SCN8A: variants seen among roughly 807,000 people sequenced by gnomAD.
SCN8A encodes the protein sodium voltage-gated channel alpha subunit 8.
Under a neutral mutation model 184.1 loss-of-function variants are expected in SCN8A, and 30 were observed. The ratio of observed to expected loss-of-function variants is 0.16; its 90% confidence interval spans 0.12 to 0.22. SCN8A has a LOEUF of 0.22. Ranked by LOEUF, SCN8A falls within the 10% of genes least tolerant of loss-of-function variation. The probability of loss-of-function intolerance (pLI) is 1.00; values close to 1 mark genes in which losing one functional copy is unlikely to be tolerated. For synonymous variants in SCN8A, 852 were observed against 907.0 expected, an observed-to-expected ratio of 0.94 and a Z score of 1.09; for missense variants, 1,057 against 2,498.9, an observed-to-expected ratio of 0.42 and a Z score of 12.30.
At position 51,806,943 on chromosome 12, in the gene SCN8A, C is replaced by A. The variant is rs1386438615; in HGVS notation, c.5457C>A (p.Leu1819=). 1 of 1,613,710 alleles carries A rather than the reference C, an allele frequency of 6.2e-7. No individual in the cohort carries two copies. Among genetic ancestry groups the A allele is most frequent in the South Asian group, 1.1e-5 (1 of 91,078 alleles). ...ADFADALEHP[L]RVPKPNTIEL... is the part of the protein sequence containing the mutation. ...TTGCAGATGCCTTGGAGCATCCTCTCCGAGTGCCCAAGCCCAATACCATTG... is the reference window on the plus strand; with the variant it reads ...TTGCAGATGCCTTGGAGCATCCTCTACGAGTGCCCAAGCCCAATACCATTG... The change falls in exon 27 of 27, where the codon CTC becomes CTA. Residue 1819 remains leucine, a synonymous_variant. Coordinates refer to ENST00000627620, the MANE Select transcript of SCN8A (RefSeq NM_001330260.2). This position sits in a 1 kb window ranked among gnomAD's most constrained non-coding sequence, Gnocchi z 8.7.
At chr12:51,702,942 A>G (rs1345359422) in intron 9 of SCN8A, 28 bp downstream of exon 9, 2 of 1,567,266 alleles carry the variant, frequency 1.3e-6, no homozygotes, top group Non-Finnish European at 1.7e-6. Context: ...TCCTTTGGCC[A>G]TAGAGTTTGC....
At chr12:51,687,293 G>T in intron 5 of SCN8A, 74 bp downstream of exon 5, 1 of 1,550,594 alleles carries the variant, frequency 6.4e-7, no homozygotes, top group Non-Finnish European at 8.8e-7. Flanking sequence ...GGGTCTGTTT[G>T]TAGGTGTGCA....
intron 9 of SCN8A, among the ~76,000 whole-genome samples, chr12:51,705,174 G>A (rs1941761871): frequency 6.6e-6 from 1 of 152,182 alleles, no homozygotes. Context: ...TTAGAAATGA[G>A]AGGGGATTTT....
At chr12:51,696,487 C>T (rs2138729534) in intron 6 of SCN8A, among the ~76,000 whole-genome samples, 1 of 152,278 alleles carries the variant, frequency 6.6e-6, no homozygotes, top group Middle Eastern at 3.4e-3. Context: ...CTACTTTATT[C>T]CACCAGTACC....
chr12:51,741,867 G>A (rs1439264040), intron 12 of SCN8A, among the ~76,000 whole-genome samples: 2 of 151,990 alleles, frequency 1.3e-5, no homozygotes, highest in South Asian at 2.1e-4. Flanking sequence ...ACCACGCCCG[G>A]CTAATTTTGT....
intron 1 of SCN8A, among the ~76,000 whole-genome samples, chr12:51,662,213 T>G (rs1014409283): frequency 1.3e-5 from 2 of 152,230 alleles, no homozygotes; most frequent in African/African-American, 4.8e-5. Flanking sequence ...AAAAATAACT[T>G]GAAATGGAAG....
chr12:51,794,580 C>T lies in SCN8A; in HGVS notation c.4734C>T (p.His1578=), dbSNP rs755679156. The part of the protein sequence containing the change: ...ECVLKMFALR[H]YYFTIGWNIF... ...TGCTCAAAATGTTTGCGTTGAGGCA[C>T]TACTACTTCACCATTGGCTGGAACA... Residue 1578 remains histidine, a synonymous_variant, in exon 26 of 27, where the codon CAC becomes CAT. Coordinates refer to ENST00000627620, the MANE Select transcript of SCN8A (RefSeq NM_001330260.2). 1.9e-6 allele frequency: 3 copies of T among 1,613,998 alleles called. No individual in the cohort carries two copies. The highest frequency in any genetic ancestry group is 8.5e-7 in the Non-Finnish European group (1 of 1,179,888).
intron 14 of SCN8A, among the ~76,000 whole-genome samples, chr12:51,753,580 C>T (rs546774055): frequency 7.2e-5 from 11 of 152,238 alleles, no homozygotes; most frequent in Non-Finnish European, 1.0e-4. Context: ...TCAACACGAG[C>T]GCTGAGATTG....
chr12:51,724,034 T>C (rs894529146), intron 12 of SCN8A, among the ~76,000 whole-genome samples: 6 of 152,222 alleles, frequency 3.9e-5, no homozygotes, highest in Non-Finnish European at 1.5e-5. Context: ...GTTCTCTGCC[T>C]AGACACTTGG....
chr12:51,763,636 A>G (rs1012637610), intron 15 of SCN8A, among the ~76,000 whole-genome samples: 3 of 152,212 alleles, frequency 2.0e-5, no homozygotes, highest in African/African-American at 7.2e-5. Flanking sequence ...AGTTACTCTT[A>G]ATGACTTAAA....
At chr12:51,738,145 T>C (rs983174373) in intron 12 of SCN8A, among the ~76,000 whole-genome samples, 3 of 152,206 alleles carry the variant, frequency 2.0e-5, no homozygotes, top group African/African-American at 7.2e-5. Context: ...TTTCAAACCA[T>C]GCAAATTTTT....
chr12:51,756,001 A>G (rs547753110), intron 14 of SCN8A, among the ~76,000 whole-genome samples: 2 of 150,528 alleles, frequency 1.3e-5, no homozygotes, highest in African/African-American at 4.9e-5. Context: ...ACCTGCTCAC[A>G]CTCCTCAGCT....
chr12:51,724,516 T>G (rs1942125741), intron 12 of SCN8A, among the ~76,000 whole-genome samples: 1 of 152,202 alleles, frequency 6.6e-6, no homozygotes, highest in Non-Finnish European at 1.5e-5. Flanking sequence ...AAATAAATGT[T>G]ATAGATACTT....
intron 12 of SCN8A, among the ~76,000 whole-genome samples, chr12:51,741,828 C>T (rs963772421): frequency 3.9e-5 from 6 of 152,124 alleles, no homozygotes; most frequent in African/African-American, 1.4e-4. Context: ...CCTCAGCCCC[C>T]CAAGTAGCTG....
intron 20 of SCN8A, among the ~76,000 whole-genome samples, chr12:51,778,418 G>A (rs943241627): frequency 6.6e-6 from 1 of 152,050 alleles, no homozygotes; most frequent in Non-Finnish European, 1.5e-5. Flanking sequence ...CCAAGCAGCT[G>A]GGATTACAGG....
intron 12 of SCN8A, among the ~76,000 whole-genome samples, chr12:51,743,549 G>A (rs1018307715): frequency 6.6e-6 from 1 of 152,080 alleles, no homozygotes; most frequent in African/African-American, 2.4e-5. Flanking sequence ...TTTCTGTGCT[G>A]AGCCACCTTG....
intron 1 of SCN8A, among the ~76,000 whole-genome samples, chr12:51,655,730 G>GT (rs1940810398): frequency 6.6e-6 from 1 of 152,156 alleles, no homozygotes; most frequent in Admixed American, 6.5e-5. Flanking sequence ...CTACCCATTT[G>GT]TTTGTCCGTA....
chr12:51,772,326 C>T (rs1188584438), intron 19 of SCN8A, among the ~76,000 whole-genome samples: 1 of 150,364 alleles, frequency 6.7e-6, no homozygotes, highest in Non-Finnish European at 1.5e-5. Context: ...ACCTGGGAGG[C>T]GGAGGTTGCA....
At chr12:51,745,318 C>A (rs541719761) in intron 12 of SCN8A, among the ~76,000 whole-genome samples, 26 of 152,298 alleles carry the variant, frequency 1.7e-4, no homozygotes, top group African/African-American at 6.3e-4. Flanking sequence ...TACTTTCTTA[C>A]AATGGCTTGT....
Sources: allele counts gnomAD v4.1 joint callset (sites outside exome capture counted in the v4.1 genomes callset), GRCh38; gene constraint gnomAD v4.1.1; non-coding constraint Gnocchi (gnomAD v3.1); transcripts MANE v1.5; gene names NCBI Gene and HGNC (gene_info 2026-07-23, HGNC 2026-07-21).